Variants in PPARGC1A observed in about 807,000 individuals in gnomAD.
PPARGC1A encodes PPARG coactivator 1 alpha.
Under a neutral mutation model 88.7 loss-of-function variants are expected in PPARGC1A, and 25 were observed. The observed-to-expected ratio is 0.28, with a 90% CI of 0.21 to 0.39. PPARGC1A has a LOEUF of 0.39. Among genes scored for constraint, PPARGC1A ranks in the 10% least tolerant of loss-of-function variants. The pLI is 1.00. For missense variants in PPARGC1A, 880 were observed against 968.7 expected (o/e 0.91, Z 1.22); for synonymous variants, 363 against 355.6 (o/e 1.02, Z -0.24).
intron 1 of PPARGC1A, among the ~76,000 whole-genome samples, chr4:23,895,573 T>C (rs1000558860): frequency 1.3e-5 from 2 of 152,094 alleles, no homozygotes; most frequent in East Asian, 1.9e-4. Flanking sequence ...TCTTACTTTA[T>C]ATTTGCTAGC....
chr4:24,177,398 T>C, the PPARGC1A span, among the ~76,000 whole-genome samples: 1 of 144,980 alleles, frequency 6.9e-6, no homozygotes, highest in African/African-American at 2.6e-5. Context: ...TTCTCACTCA[T>C]AGGTGGGAAT....
chr4:24,002,097 C>CACACACAGAGAG, the PPARGC1A span, among the ~76,000 whole-genome samples: 37 of 125,382 alleles, frequency 3.0e-4, no homozygotes, highest in African/African-American at 1.2e-3. Context: ...CACACACACA[C>CACACACAGAGAG]AGAGAGAGAG....
chr4:24,002,528 G>A, the PPARGC1A span, among the ~76,000 whole-genome samples: 5 of 151,568 alleles, frequency 3.3e-5, no homozygotes, highest in Admixed American at 3.3e-4. Context: ...CAGCCGCAAA[G>A]GTTTAAAAAG....
the PPARGC1A span, among the ~76,000 whole-genome samples, chr4:23,965,010 A>C: frequency 6.6e-6 from 1 of 152,174 alleles, no homozygotes; most frequent in Admixed American, 6.5e-5. Context: ...ATTTCTCAGG[A>C]AAATAAAGGC....
At chr4:24,258,320 T>G in the PPARGC1A span, 4 of 304,904 alleles carry the variant, frequency 1.3e-5, no homozygotes, top group Non-Finnish European at 1.4e-5. Flanking sequence ...ATGGGGATAC[T>G]GAAAGGCAAT....
chr4:24,312,326 T>A, the PPARGC1A span, among the ~76,000 whole-genome samples: 2 of 152,184 alleles, frequency 1.3e-5, no homozygotes, highest in Non-Finnish European at 2.9e-5. Flanking sequence ...ATTCCATTCA[T>A]CCTGGACTAT....
chr4:24,459,469 A>C, the PPARGC1A span, among the ~76,000 whole-genome samples: 1 of 150,764 alleles, frequency 6.6e-6, no homozygotes, highest in South Asian at 2.1e-4. Context: ...AAAAAAAAAA[A>C]CTCAAGGTAT....
the PPARGC1A span, among the ~76,000 whole-genome samples, chr4:24,343,542 G>A: frequency 5.3e-5 from 8 of 152,108 alleles, no homozygotes; most frequent in Admixed American, 3.9e-4. Context: ...AGATTTCTGA[G>A]GCTCCAGAAC....
the PPARGC1A span, among the ~76,000 whole-genome samples, chr4:23,912,035 T>C: frequency 6.6e-6 from 1 of 152,166 alleles, no homozygotes; most frequent in African/African-American, 2.4e-5. Context: ...AAAGAGACCA[T>C]TAGGATAAGT....
chr4:23,829,792 TATGAAAA>T (rs1724673624), intron 3 of PPARGC1A: 8 of 313,846 alleles, frequency 2.5e-5, no homozygotes, highest in African/African-American at 4.3e-5. Flanking sequence ...CACTACCAAC[TATGAAAA>T]TATTTCCTTT....
At chr4:23,808,334 C>T (rs960075210) in intron 10 of PPARGC1A, among the ~76,000 whole-genome samples, 2 of 151,504 alleles carry the variant, frequency 1.3e-5, no homozygotes, top group Non-Finnish European at 2.9e-5. Context: ...AGCAGTACTA[C>T]ACTGTCCCTG....
chr4:24,154,509 G>A, the PPARGC1A span, among the ~76,000 whole-genome samples: 1 of 152,176 alleles, frequency 6.6e-6, no homozygotes, highest in South Asian at 2.1e-4. Flanking sequence ...GTAAGCCATG[G>A]TAGTCTGGCA....
At chr4:24,414,478 G>T in the PPARGC1A span, among the ~76,000 whole-genome samples, 1 of 152,080 alleles carries the variant, frequency 6.6e-6, no homozygotes, top group Non-Finnish European at 1.5e-5. Flanking sequence ...GATAAGCCTG[G>T]TTTATGCTCC....
At chr4:23,811,430 T>C (rs1215001547) in intron 10 of PPARGC1A, among the ~76,000 whole-genome samples, 1 of 152,238 alleles carries the variant, frequency 6.6e-6, no homozygotes, top group Admixed American at 6.5e-5. Context: ...AGGGAGCAGC[T>C]GCACTGAATA....
the PPARGC1A span, among the ~76,000 whole-genome samples, chr4:24,019,566 C>A: frequency 6.6e-6 from 1 of 152,310 alleles, no homozygotes; most frequent in African/African-American, 2.4e-5. Context: ...CCTCCAGTTA[C>A]AACAAAGTCC....
In PPARGC1A at chr4:23,802,350, G is replaced by A. The variant is rs1374982298; in HGVS notation, c.2020-5C>T. 11 of 1,613,820 alleles carry A rather than the reference G, an allele frequency of 6.8e-6. No individual in the cohort carries two copies. The highest frequency in any genetic ancestry group is 1.3e-5 in the African/African-American group (1 of 74,998). Reference sequence around the variant, plus strand: ...ATAAATCACACGGCGCTCTTCCTATGGGGGGAAGGAAGGAGAGAGTTCTGG... The same window carrying A: ...ATAAATCACACGGCGCTCTTCCTATAGGGGGAAGGAAGGAGAGAGTTCTGG... On this transcript the variant is annotated splice_region_variant and splice_polypyrimidine_tract_variant and intron_variant, in intron 10 of 12. Transcript: ENST00000264867.
At chr4:23,834,957 T>C (rs563008534) in intron 2 of PPARGC1A, among the ~76,000 whole-genome samples, 1 of 152,302 alleles carries the variant, frequency 6.6e-6, no homozygotes, top group African/African-American at 2.4e-5. Context: ...TTTTAGAAAA[T>C]ACATCAAATA....
At chr4:24,009,096 C>T in the PPARGC1A span, among the ~76,000 whole-genome samples, 5 of 124,466 alleles carry the variant, frequency 4.0e-5, no homozygotes, top group East Asian at 2.3e-4. Flanking sequence ...CACAAACTCC[C>T]GTGTGAAATA....
the PPARGC1A span, among the ~76,000 whole-genome samples, chr4:24,100,129 T>C: frequency 1.2e-4 from 18 of 152,142 alleles, no homozygotes; most frequent in Non-Finnish European, 2.5e-4. Flanking sequence ...AATTAATATA[T>C]ATATAAAGCA....
Sources: allele counts gnomAD v4.1 joint callset (sites outside exome capture counted in the v4.1 genomes callset), GRCh38; gene constraint gnomAD v4.1.1; transcripts MANE v1.5; gene names NCBI Gene and HGNC (gene_info 2026-07-23, HGNC 2026-07-21).